Variants in RNGTT observed in about 807,000 individuals in gnomAD.
The protein encoded by RNGTT is RNA guanylyltransferase and 5'-phosphatase.
In RNGTT, 33 loss-of-function variants were observed where a neutral mutation model predicts 79.3. The observed-to-expected ratio is 0.42, with a 90% CI of 0.32 to 0.56. The LOEUF is 0.56. Ranked by LOEUF, RNGTT falls within the 20% of genes least tolerant of loss-of-function variation. RNGTT has a pLI of 0.17. For synonymous variants in RNGTT, 222 were observed against 235.9 expected, an observed-to-expected ratio of 0.94 and a Z score of 0.54; for missense variants, 497 against 739.1, an observed-to-expected ratio of 0.67 and a Z score of 3.80.
intron 12 of RNGTT, among the ~76,000 whole-genome samples, chr6:88,789,116 G>A (rs1039677038): frequency 1.3e-5 from 2 of 152,030 alleles, no homozygotes; most frequent in Admixed American, 1.3e-4. Flanking sequence ...AACTTGCTAG[G>A]ATTCAAAGTA....
intron 13 of RNGTT, among the ~76,000 whole-genome samples, chr6:88,710,845 T>C (rs1776293574): frequency 6.6e-6 from 1 of 152,194 alleles, no homozygotes; most frequent in South Asian, 2.1e-4. Context: ...TATTTCACAG[T>C]GATTTTTTTT....
At chr6:88,747,705 T>C (rs114569062) in intron 13 of RNGTT, among the ~76,000 whole-genome samples, 2,062 of 152,242 alleles carry the variant, frequency 0.014, 40 homozygotes, top group African/African-American at 0.046. Flanking sequence ...CTGGAACTGA[T>C]GGAGACAAAC....
intron 14 of RNGTT, among the ~76,000 whole-genome samples, chr6:88,659,896 T>A (rs1330564546): frequency 6.6e-6 from 1 of 152,184 alleles, no homozygotes; most frequent in Admixed American, 6.5e-5. Context: ...TTAACAGCTA[T>A]GAGACAAAAG....
chr6:88,721,087 C>T (rs559121612), intron 13 of RNGTT, among the ~76,000 whole-genome samples: 1 of 152,094 alleles, frequency 6.6e-6, no homozygotes, highest in South Asian at 2.1e-4. Flanking sequence ...CTCCTAACAC[C>T]CCTTAAATAT....
At chr6:88,735,357 A>G (rs990524390) in intron 13 of RNGTT, among the ~76,000 whole-genome samples, 2 of 152,148 alleles carry the variant, frequency 1.3e-5, no homozygotes, top group African/African-American at 4.8e-5. Context: ...AGAATAATTC[A>G]TCCAACAATA....
At chr6:88,715,205 C>G (rs1383002513) in intron 13 of RNGTT, among the ~76,000 whole-genome samples, 1 of 152,274 alleles carries the variant, frequency 6.6e-6, no homozygotes, top group African/African-American at 2.4e-5. Context: ...TGAGTGAAAT[C>G]CCATTCACAA....
At chr6:88,738,839 T>TACACACACACAC (rs200498670) in intron 13 of RNGTT, among the ~76,000 whole-genome samples, 72 of 142,604 alleles carry the variant, frequency 5.0e-4, no homozygotes, top group Admixed American at 1.7e-3. Context: ...ATAAATAAAA[T>TACACACACACAC]ACACACACAC....
intron 12 of RNGTT, among the ~76,000 whole-genome samples, chr6:88,793,358 C>T (rs1433668336): frequency 2.0e-5 from 3 of 152,070 alleles, no homozygotes; most frequent in Admixed American, 1.3e-4. Context: ...AGTTGTAAAA[C>T]ATGTTTTCTG....
intron 9 of RNGTT, 125 bp downstream of exon 9, chr6:88,853,504 C>CA (rs878907929): frequency 0.15 from 65,009 of 438,800 alleles, 114 homozygotes; most frequent in Middle Eastern, 0.17. Context: ...GACTCCGTCT[C>CA]AAAAAAAAAA....
chr6:88,675,639 T>C (rs1325648841), intron 14 of RNGTT, among the ~76,000 whole-genome samples: 1 of 148,428 alleles, frequency 6.7e-6, no homozygotes, highest in African/African-American at 2.6e-5. Context: ...CTATGAAATC[T>C]ACATAAAAGC....
intron 11 of RNGTT, among the ~76,000 whole-genome samples, chr6:88,833,002 T>A (rs1780928173): frequency 5.9e-5 from 9 of 152,220 alleles, no homozygotes; most frequent in Admixed American, 5.9e-4. Context: ...TCCATCATTG[T>A]GGAAGACAGT....
chr6:88,725,730 G>A (rs1013666695), intron 13 of RNGTT, among the ~76,000 whole-genome samples: 7 of 152,134 alleles, frequency 4.6e-5, no homozygotes, highest in Admixed American at 1.3e-4. Flanking sequence ...ACAAACCTCC[G>A]GTAGTAAGAA....
At chr6:88,710,102 G>A (rs1776267998) in intron 13 of RNGTT, among the ~76,000 whole-genome samples, 1 of 152,150 alleles carries the variant, frequency 6.6e-6, no homozygotes, top group Non-Finnish European at 1.5e-5. Flanking sequence ...CAATACAGAG[G>A]TGAACTTTGG....
chr6:88,903,196 T>A (rs1783531972), intron 6 of RNGTT, among the ~76,000 whole-genome samples: 1 of 152,156 alleles, frequency 6.6e-6, no homozygotes, highest in Non-Finnish European at 1.5e-5. Context: ...CAAAAACTGT[T>A]GCCTGAATAA....
At chr6:88,920,975 G>C (rs1401080283) in intron 4 of RNGTT, among the ~76,000 whole-genome samples, 1 of 152,156 alleles carries the variant, frequency 6.6e-6, no homozygotes, top group East Asian at 1.9e-4. Flanking sequence ...TGGAGCACAG[G>C]ATGTATTGCC....
chr6:88,911,808 T>G (rs1783836756), intron 4 of RNGTT, among the ~76,000 whole-genome samples: 1 of 152,030 alleles, frequency 6.6e-6, no homozygotes, highest in Non-Finnish European at 1.5e-5. Flanking sequence ...AAGATAGAAA[T>G]GGCTGGAGGC....
chr6:88,840,690 C>T (rs957687775), intron 11 of RNGTT, among the ~76,000 whole-genome samples: 18 of 152,126 alleles, frequency 1.2e-4, no homozygotes, highest in East Asian at 3.8e-4. Context: ...TGAGCCACCA[C>T]GCCTAGCAAG....
chr6:88,700,163 T>G (rs756608190), intron 13 of RNGTT, among the ~76,000 whole-genome samples: 1 of 152,142 alleles, frequency 6.6e-6, no homozygotes, highest in Non-Finnish European at 1.5e-5. Context: ...GAAAAATCTA[T>G]TCCTAAAGCA....
chr6:88,782,922 T>C (rs925177596), intron 12 of RNGTT, among the ~76,000 whole-genome samples: 43 of 152,240 alleles, frequency 2.8e-4, no homozygotes, highest in Middle Eastern at 3.4e-3. Flanking sequence ...TGGAGAAAAG[T>C]GAACCCTTGT....
Sources: gnomAD v4.1 joint callset for allele counts (sites outside exome capture counted in the v4.1 genomes callset) on GRCh38, gnomAD v4.1.1 for gene constraint, MANE v1.5 for transcripts, NCBI Gene and HGNC (gene_info 2026-07-23, HGNC 2026-07-21) for gene names.